CLSTN2: variants seen among roughly 807,000 people sequenced by gnomAD.
CLSTN2 encodes calsyntenin-2.
A neutral mutation model predicts 101.2 loss-of-function variants in CLSTN2; 48 were observed. That is an observed-to-expected ratio of 0.47 (90% CI 0.38 to 0.60). CLSTN2 has a LOEUF of 0.60. Among genes scored for constraint, CLSTN2 ranks in the 20% least tolerant of loss-of-function variants. The pLI is 0.00. For synonymous variants in CLSTN2, 481 were observed against 463.6 expected, an observed-to-expected ratio of 1.04 and a Z score of -0.48; for missense variants, 1,160 against 1,238.2, an observed-to-expected ratio of 0.94 and a Z score of 0.95.
At chr3:140,230,243 G>A (rs975452468) in intron 2 of CLSTN2, among the ~76,000 whole-genome samples, 23 of 152,246 alleles carry the variant, frequency 1.5e-4, no homozygotes, top group African/African-American at 5.5e-4. Flanking sequence ...TGTGAGGCAA[G>A]TGTACTTGTT....
intron 8 of CLSTN2, among the ~76,000 whole-genome samples, chr3:140,480,105 C>A (rs1473918135): frequency 6.6e-6 from 1 of 151,600 alleles, no homozygotes; most frequent in African/African-American, 2.4e-5. Context: ...CTCCCCCAAC[C>A]CCACAACAGG....
chr3:140,001,720 T>C (rs1430967596), intron 1 of CLSTN2, among the ~76,000 whole-genome samples: 1 of 151,254 alleles, frequency 6.6e-6, no homozygotes, highest in Non-Finnish European at 1.5e-5. Context: ...TGATTTCTGT[T>C]TTTTTTTTTT....
In CLSTN2 at chr3:140,564,157, G is replaced by A; in HGVS notation, c.2667+12G>A. ...TCAACCCCATGGAGGTGATCCTCAT[G>A]CACGGCTGGGAGTTCTGGGTGGGGT... On this transcript the variant is annotated intron_variant, in intron 16 of 16. Transcript: ENST00000458420. 19 of 1,612,280 alleles carry A rather than the reference G, an allele frequency of 1.2e-5. No homozygotes were observed. The highest frequency in any genetic ancestry group is 1.6e-5 in the Non-Finnish European group (19 of 1,178,760).
At chr3:140,523,119 G>C (rs1176161766) in intron 8 of CLSTN2, among the ~76,000 whole-genome samples, 1 of 151,704 alleles carries the variant, frequency 6.6e-6, no homozygotes, top group African/African-American at 2.4e-5. Context: ...TGTGCATTTG[G>C]ACTTGATGCC....
At chr3:139,942,426 T>G (rs189896218) in intron 1 of CLSTN2, among the ~76,000 whole-genome samples, 2 of 152,232 alleles carry the variant, frequency 1.3e-5, no homozygotes, top group East Asian at 3.9e-4. Context: ...GTACCGACAG[T>G]TCTCCTGATT....
chr3:140,421,353 C>A, intron 5 of CLSTN2, 79 bp downstream of exon 5: 3 of 1,520,848 alleles, frequency 2.0e-6, no homozygotes, highest in South Asian at 2.4e-5. Context: ...CTCAAATCAT[C>A]ACAACACATA....
intron 1 of CLSTN2, among the ~76,000 whole-genome samples, chr3:140,156,561 C>A (rs2009956995): frequency 2.0e-5 from 3 of 152,198 alleles, no homozygotes; most frequent in Middle Eastern, 3.2e-3. Context: ...AGCTGCTGGG[C>A]AGTGAAAGAT....
chr3:140,262,592 G>C lies in CLSTN2; in HGVS notation c.232+86519G>C, dbSNP rs1485712209. 3.9e-5 allele frequency among the ~76,000 whole-genome samples: 6 copies of C among 152,150 alleles called. No individual in the cohort carries two copies. The East Asian group carries it at 1.2e-3, about 29-fold the overall frequency. On this transcript the variant is annotated intron_variant, in intron 2 of 16. Coordinates refer to ENST00000458420, the MANE Select transcript of CLSTN2 (RefSeq NM_022131.3). ...TATGTTTCATGGGGCCCATAGATTA[G>C]TGGTAATTGTTTTAGTAAAGAAAGT... is the stretch of plus-strand genomic sequence containing the variant.
At chr3:140,243,568 T>C (rs990926723) in intron 2 of CLSTN2, among the ~76,000 whole-genome samples, 1 of 152,178 alleles carries the variant, frequency 6.6e-6, no homozygotes, top group South Asian at 2.1e-4. Flanking sequence ...CCTGTGGCTG[T>C]CCATACATAG....
intron 1 of CLSTN2, among the ~76,000 whole-genome samples, chr3:140,049,432 G>A (rs905361564): frequency 9.9e-5 from 15 of 152,090 alleles, no homozygotes; most frequent in Admixed American, 8.5e-4. Flanking sequence ...CGGAATGAGG[G>A]AACAGAACCA....
intron 1 of CLSTN2, among the ~76,000 whole-genome samples, chr3:139,945,075 T>TA (rs111981279): frequency 0.092 from 14,010 of 151,546 alleles, 810 homozygotes; most frequent in African/African-American, 0.16. Context: ...AATTGCCAGT[T>TA]AAAAAAAAAG....
chr3:140,249,304 G>A (rs555505807), intron 2 of CLSTN2, among the ~76,000 whole-genome samples: 38 of 152,294 alleles, frequency 2.5e-4, no homozygotes, highest in African/African-American at 8.7e-4. Context: ...TGTTCTGGCT[G>A]GAGTGATTGC....
chr3:140,213,793 T>C (rs1356036301), intron 2 of CLSTN2, among the ~76,000 whole-genome samples: 7 of 152,040 alleles, frequency 4.6e-5, no homozygotes, highest in Non-Finnish European at 8.8e-5. Context: ...TGGCCTTGTG[T>C]ATTGGCTTCA....
intron 1 of CLSTN2, among the ~76,000 whole-genome samples, chr3:140,041,143 C>G (rs1263237240): frequency 1.3e-5 from 2 of 152,142 alleles, no homozygotes; most frequent in Non-Finnish European, 2.9e-5. Flanking sequence ...GAACACATAA[C>G]TGTTCATTTT....
At chr3:140,130,707 T>C (rs997175435) in intron 1 of CLSTN2, among the ~76,000 whole-genome samples, 3 of 152,158 alleles carry the variant, frequency 2.0e-5, no homozygotes, top group Non-Finnish European at 4.4e-5. Flanking sequence ...AGGATGAGGC[T>C]CCTGACCCAG....
intron 1 of CLSTN2, among the ~76,000 whole-genome samples, chr3:139,998,335 C>CTTTTTTTTTT (rs1290360293): frequency 9.8e-5 from 2 of 20,430 alleles, no homozygotes; most frequent in Non-Finnish European, 1.6e-4. Context: ...CCCCCACATG[C>CTTTTTTTTTT]CTTTTTTTTT....
At position 140,225,119 on chromosome 3, in the gene CLSTN2, C is replaced by CA. The variant is rs1258145951; in HGVS notation, c.232+49046_232+49047insA. Reference sequence around the variant, plus strand: ...GCCATCTGGGTCAGCAGCCTCCCAGCTCGGAGCATAGGCTCACACCAATCA... The same window carrying CA: ...GCCATCTGGGTCAGCAGCCTCCCAGCATCGGAGCATAGGCTCACACCAATCA... On this transcript the variant is annotated intron_variant, in intron 2 of 16. Coordinates refer to ENST00000458420, the MANE Select transcript of CLSTN2 (RefSeq NM_022131.3). 1.1e-4 allele frequency among the ~76,000 whole-genome samples: 17 copies of CA among 152,328 alleles called. No homozygotes were observed. The South Asian group carries it at 3.3e-3, about 30-fold the overall frequency.
At chr3:140,289,608 T>G (rs1243160983) in intron 2 of CLSTN2, among the ~76,000 whole-genome samples, 1 of 152,116 alleles carries the variant, frequency 6.6e-6, no homozygotes, top group South Asian at 2.1e-4. Flanking sequence ...ACCAAACACT[T>G]TAACAAACCT....
In CLSTN2 at chr3:140,546,532, C is replaced by T. The variant is rs763929557; in HGVS notation, c.1525C>T (p.Pro509Ser). The part of the protein sequence containing the change: ...ACWQGGEVTK[P>S]QFAQFFHGSL... Reference sequence around the variant, plus strand: ...TTTTTCAGGAGGAGAAGTCACCAAACCACAGTTTGCTCAGTTCTTTCATGG... The same window carrying T: ...TTTTTCAGGAGGAGAAGTCACCAAATCACAGTTTGCTCAGTTCTTTCATGG... Residue 509 changes from proline (P) to serine (S), a missense_variant, in exon 10 of 17, where the codon CCA becomes TCA. Coordinates refer to ENST00000458420, the MANE Select transcript of CLSTN2 (RefSeq NM_022131.3). 6 of 1,613,986 alleles carry T rather than the reference C, an allele frequency of 3.7e-6. No homozygotes were observed. The highest frequency in any genetic ancestry group is 4.2e-6 in the Non-Finnish European group (5 of 1,179,932).
Sources: allele counts gnomAD v4.1 joint callset (sites outside exome capture counted in the v4.1 genomes callset), GRCh38; gene constraint gnomAD v4.1.1; transcripts MANE v1.5; gene names NCBI Gene and HGNC (gene_info 2026-07-23, HGNC 2026-07-21).